ABCA6: variants seen among roughly 807,000 people sequenced by gnomAD.
ABCA6 encodes ATP binding cassette subfamily A member 6.
Under a neutral mutation model 191.2 loss-of-function variants are expected in ABCA6, and 164 were observed. The observed-to-expected ratio is 0.86, with a 90% confidence interval of 0.76 to 0.98. ABCA6 has a LOEUF of 0.98. Among genes scored for constraint, ABCA6 ranks in the 50% least tolerant of loss-of-function variants. The probability of loss-of-function intolerance (pLI) is 0.00; values close to 1 mark genes in which losing one functional copy is unlikely to be tolerated. For synonymous variants in ABCA6, 636 were observed against 647.7 expected, an observed-to-expected ratio of 0.98 and a Z score of 0.27; for missense variants, 1,958 against 1,894.1, an observed-to-expected ratio of 1.03 and a Z score of -0.63.
chr17:69,085,841 A>T (rs1259404682), intron 30 of ABCA6, 125 bp from the exon 31 acceptor site: 1 of 653,962 alleles, frequency 1.5e-6, no homozygotes, highest in Non-Finnish European at 2.7e-6. Flanking sequence ...GATTGATAAC[A>T]TATATGTAAT....
intron 30 of ABCA6, among the ~76,000 whole-genome samples, chr17:69,085,950 A>G (rs538518911): frequency 2.0e-5 from 3 of 152,174 alleles, no homozygotes; most frequent in Non-Finnish European, 4.4e-5. Flanking sequence ...TTTTCCCCCC[A>G]GATTACTTGT....
intron 31 of ABCA6, 60 bp from the exon 32 acceptor site, chr17:69,085,242 T>G: frequency 6.7e-7 from 1 of 1,499,208 alleles, no homozygotes; most frequent in South Asian, 1.3e-5. Context: ...GCGTAATTAC[T>G]CCAGAAACTG....
At chr17:69,133,073 T>G (rs1309899789) in intron 6 of ABCA6, among the ~76,000 whole-genome samples, 1 of 152,214 alleles carries the variant, frequency 6.6e-6, no homozygotes, top group East Asian at 1.9e-4. Context: ...TGCTAAGGTC[T>G]TCTTACATGC....
chr17:69,139,832 T>A (rs1442078082), intron 2 of ABCA6, among the ~76,000 whole-genome samples: 3 of 151,020 alleles, frequency 2.0e-5, no homozygotes. Flanking sequence ...TCATTCTCAG[T>A]AAACTATTGC....
At chr17:69,134,148 T>C (rs979791853) in intron 5 of ABCA6, among the ~76,000 whole-genome samples, 4 of 152,166 alleles carry the variant, frequency 2.6e-5, no homozygotes, top group Admixed American at 6.5e-5. Context: ...ATGTGTTCCT[T>C]GGTCTGAATA....
chr17:69,124,046 C>T (rs1294716871), intron 9 of ABCA6, among the ~76,000 whole-genome samples: 1 of 151,990 alleles, frequency 6.6e-6, no homozygotes, highest in African/African-American at 2.4e-5. Context: ...AATTTGACCA[C>T]AGCAACATAA....
intron 7 of ABCA6, among the ~76,000 whole-genome samples, chr17:69,129,198 G>C (rs1341997601): frequency 1.3e-5 from 2 of 152,082 alleles, no homozygotes; most frequent in Non-Finnish European, 2.9e-5. Flanking sequence ...AGGCAGAGCG[G>C]AGTGAAACGA....
chr17:69,086,694 T>C lies in ABCA6; in HGVS notation c.3861A>G (p.Ala1287=), dbSNP rs752947052. The C allele has an allele frequency of 7.4e-6, 12 of 1,612,606 alleles. No homozygotes were observed. In the South Asian group the frequency reaches 9.9e-5, roughly 13 times the overall value. ...TTGAAAAGCAACTTTTCTTCTGGCC[T>C]GCATATTCTTTGTGTAGACAGCTGG... is the stretch of plus-strand genomic sequence containing the variant. ...IIASCLHKEY[A]GQKKSCFSKR... Residue 1287 remains alanine (A), a synonymous_variant, in exon 30 of 39, where the codon GCA becomes GCG. Transcript: ENST00000284425.
intron 17 of ABCA6, chr17:69,110,168 G>A (rs1177114051): frequency 1.3e-5 from 2 of 152,160 alleles, no homozygotes; most frequent in South Asian, 2.1e-4. Context: ...TCTATCCACG[G>A]TTTCAGACAT....
At chr17:69,121,253 G>C (rs970069074) in intron 10 of ABCA6, among the ~76,000 whole-genome samples, 8 of 152,070 alleles carry the variant, frequency 5.3e-5, no homozygotes, top group African/African-American at 1.9e-4. Context: ...GATAAAACTT[G>C]TGGATTAGAA....
In ABCA6 at chr17:69,091,076, A is replaced by T. The variant is rs1318892518; in HGVS notation, c.3528+67T>A. On this transcript the variant is annotated intron_variant, in intron 26 of 38. Coordinates refer to ENST00000284425, the MANE Select transcript of ABCA6 (RefSeq NM_080284.3). ...GTTCCACTACTTTCTGTCTCTCTTG[A>T]TCTGGGAAAAGCACTTTAATAAGCT... The T allele has an allele frequency of 5.3e-6, 8 of 1,511,420 alleles. No individual in the cohort carries two copies. In the South Asian group the frequency reaches 7.5e-5, roughly 14 times the overall value. 93.6% of individuals were successfully genotyped at this position (1,511,420 alleles called of 1,614,324 possible).
At chr17:69,117,190 A>AG (rs2073552958) in intron 11 of ABCA6, among the ~76,000 whole-genome samples, 1 of 152,124 alleles carries the variant, frequency 6.6e-6, no homozygotes, top group Admixed American at 6.6e-5. Flanking sequence ...TGTATTTATT[A>AG]GAAAATACAC....
At chr17:69,125,406 T>C (rs766546113) in intron 8 of ABCA6, among the ~76,000 whole-genome samples, 5 of 152,024 alleles carry the variant, frequency 3.3e-5, no homozygotes, top group Non-Finnish European at 7.4e-5. Flanking sequence ...AAAGAGAACT[T>C]ACCTCCTTTT....
chr17:69,126,245 C>A (rs1209008164), intron 8 of ABCA6, among the ~76,000 whole-genome samples: 4 of 152,024 alleles, frequency 2.6e-5, no homozygotes, highest in African/African-American at 9.7e-5. Flanking sequence ...ACATTAACAA[C>A]AAATGTTTAA....
chr17:69,129,694 T>C lies in ABCA6; in HGVS notation c.849A>G (p.Thr283=), dbSNP rs756159488. Reference sequence around the variant, plus strand: ...TAATTTGGGTGAATGTTATGATAATTGTAACGAATATGGAAATAATAAAGA... The same window carrying C: ...TAATTTGGGTGAATGTTATGATAATCGTAACGAATATGGAAATAATAAAGA... ...GFIFIISIFV[T]IIITFTQIIV... Residue 283 remains threonine, a synonymous_variant, in exon 7 of 39, where the codon ACA becomes ACG. Transcript: ENST00000284425. 2 of 1,605,002 alleles carry C rather than the reference T, an allele frequency of 1.2e-6. No homozygotes were observed. Among genetic ancestry groups the C allele is most frequent in the Non-Finnish European group, 1.7e-6 (2 of 1,172,356 alleles).
rs2073086492 is a variant in ABCA6 at position 69,097,930 on chromosome 17, C to T, written c.3110G>A (p.Ser1037Asn). ...ISPYITMGSI[S>N]DYKKNAKSQL... ...CCTGCTTTTTCTTACCTTGTAATCA[C>T]TGATGCTGCCCATGGTGATATAAGG... The change falls in exon 23 of 39, where the codon AGT becomes AAT. Residue 1037 changes from serine (S) to asparagine (N), a missense_variant. Ser to Asn is a conservative substitution (Grantham distance 46). Coordinates refer to ENST00000284425, the MANE Select transcript of ABCA6 (RefSeq NM_080284.3). 3.8e-6 allele frequency: 6 copies of T among 1,590,830 alleles called. No individual in the cohort carries two copies. The highest frequency in any genetic ancestry group is 5.1e-6 in the Non-Finnish European group (6 of 1,173,284).
At position 69,096,784 on chromosome 17, in the gene ABCA6, C is replaced by A; in HGVS notation, c.3138G>T (p.Gln1046His). ...AAGTGTAGAGGCCTGAAATCCATAG[C>A]TGGGACTTAGCATTTTTCTGATTAA... ...ISDYKKNAKSQLWISGLYTSA... is the reference protein window; with the variant it reads ...ISDYKKNAKSHLWISGLYTSA... Residue 1046 changes from glutamine to histidine, a missense_variant, in exon 24 of 39, where the codon CAG (glutamine) becomes CAT (histidine). By Grantham distance (24) the Gln-to-His change is conservative (BLOSUM62 0). Transcript: ENST00000284425. 3 of 1,526,818 alleles carry A rather than the reference C, an allele frequency of 2.0e-6. No individual in the cohort carries two copies. The highest frequency in any genetic ancestry group is 2.5e-5 in the East Asian group (1 of 40,572). 94.6% of individuals were successfully genotyped at this position (1,526,818 alleles called of 1,614,324 possible).
intron 17 of ABCA6, chr17:69,110,550 T>A (rs1415020357): frequency 5.2e-6 from 2 of 384,064 alleles, no homozygotes; most frequent in Non-Finnish European, 9.4e-6. Context: ...CCTACCACAG[T>A]AATCTGCTCC....
In ABCA6 at chr17:69,085,578, G is replaced by A. The variant is rs370814264; in HGVS notation, c.4029+47C>T. 50 of 1,240,138 alleles carry A rather than the reference G, an allele frequency of 4.0e-5. 1 individual carries two copies. The East Asian group carries it at 4.4e-4, about 11-fold the overall frequency. The allele number at this position is 1,240,138 out of a possible 1,614,324, so 76.8% of individuals were successfully genotyped here. On this transcript the variant is annotated intron_variant, in intron 31 of 38. Coordinates refer to ENST00000284425, the MANE Select transcript of ABCA6 (RefSeq NM_080284.3). The stretch of plus-strand genomic sequence containing the variant: ...AGTCTTACAAAGATATAATCTATAC[G>A]TATCATGAAATTCCTGTTTTGGAAA...
Sources: gnomAD v4.1 joint callset for allele counts (sites outside exome capture counted in the v4.1 genomes callset) on GRCh38, gnomAD v4.1.1 for gene constraint, MANE v1.5 for transcripts, NCBI Gene and HGNC (gene_info 2026-07-23, HGNC 2026-07-21) for gene names.